CALCOCO2: variants seen among roughly 807,000 people sequenced by gnomAD.
CALCOCO2 encodes calcium binding and coiled-coil domain 2, also known as calcium-binding and coiled-coil domain-containing protein 2.
Under a neutral mutation model 62.5 loss-of-function variants are expected in CALCOCO2, and 42 were observed. That is an observed-to-expected ratio of 0.67 (90% CI 0.53 to 0.87). CALCOCO2 has a LOEUF of 0.87. Among genes scored for constraint, CALCOCO2 ranks in the 40% least tolerant of loss-of-function variants. The pLI, the probability that CALCOCO2 is intolerant of heterozygous loss-of-function variation, is 0.00. For synonymous variants in CALCOCO2, 167 were observed against 173.0 expected, an observed-to-expected ratio of 0.97 and a Z score of 0.27; for missense variants, 456 against 515.0, an observed-to-expected ratio of 0.89 and a Z score of 1.11.
intron 10 of CALCOCO2, among the ~76,000 whole-genome samples, chr17:48,857,999 G>GAATAT (rs1393205818): frequency 1.0e-4 from 2 of 19,772 alleles, no homozygotes; most frequent in Non-Finnish European, 1.3e-4. Flanking sequence ...GAATAGAATA[G>GAATAT]AATAGAATAG....
intron 1 of CALCOCO2, among the ~76,000 whole-genome samples, chr17:48,835,438 C>A (rs1214635278): frequency 1.3e-5 from 2 of 152,156 alleles, no homozygotes; most frequent in Non-Finnish European, 2.9e-5. Flanking sequence ...TGATTGAGTT[C>A]TCAATACCTC....
At chr17:48,842,490 C>T (rs2039988677) in intron 2 of CALCOCO2, 1 of 151,824 alleles carries the variant, frequency 6.6e-6, no homozygotes, top group Non-Finnish European at 1.5e-5. Flanking sequence ...TAAATACTTG[C>T]TTCTTGTTGT....
At chr17:48,837,322 C>T (rs1329006842) in intron 1 of CALCOCO2, among the ~76,000 whole-genome samples, 1 of 152,150 alleles carries the variant, frequency 6.6e-6, no homozygotes, top group Non-Finnish European at 1.5e-5. Flanking sequence ...TTGACCTAGA[C>T]TGGAATGTGA....
intron 6 of CALCOCO2, 38 bp downstream of exon 6, chr17:48,851,215 C>A: frequency 1.7e-6 from 2 of 1,166,530 alleles, no homozygotes; most frequent in Non-Finnish European, 1.3e-6. Flanking sequence ...GGAAGAGCTG[C>A]TGTACCATCA....
At chr17:48,856,648 CATTCATTCA>C (rs2040219218) in intron 10 of CALCOCO2, 2 of 449,688 alleles carry the variant, frequency 4.4e-6, no homozygotes, top group Admixed American at 2.4e-5. Flanking sequence ...TGCATTCATT[CATTCATTCA>C]TTCATTCATT....
At chr17:48,859,478 T>C (rs577094290) in intron 10 of CALCOCO2, among the ~76,000 whole-genome samples, 1 of 152,178 alleles carries the variant, frequency 6.6e-6, no homozygotes, top group East Asian at 1.9e-4. Flanking sequence ...GTCGTGTGCC[T>C]GTAGTCCCAG....
chr17:48,857,497 C>CTTTTTTTTTTTT lies in CALCOCO2; in HGVS notation c.1008+1322_1008+1333dup, dbSNP rs59318856. Among the ~76,000 whole-genome samples the CTTTTTTTTTTTT allele has an allele frequency of 4.7e-3, 179 of 38,438 alleles. 37 individuals are homozygous for CTTTTTTTTTTTT. Among genetic ancestry groups the CTTTTTTTTTTTT allele is most frequent in the African/African-American group, 9.5e-3 (115 of 12,076 alleles). The allele number at this position is 38,438 out of a possible 152,430, so 25.2% of individuals were successfully genotyped here. A position where few individuals can be genotyped will look rare whatever the true frequency, so the allele number is the denominator to read the frequency against. ...CAGGCGTGAGCCACTGCACCCGGCCCTTTTTTTTTTTTTTTTTTTTTTTGA... is the reference window on the plus strand; with the variant it reads ...CAGGCGTGAGCCACTGCACCCGGCCCTTTTTTTTTTTTTTTTTTTTTTTTTTTTTTTTTTTGA... On this transcript the variant is annotated intron_variant, in intron 10 of 12. Coordinates refer to ENST00000258947, the MANE Select transcript of CALCOCO2 (RefSeq NM_005831.5).
intron 10 of CALCOCO2, among the ~76,000 whole-genome samples, chr17:48,859,123 C>CT (rs2040289360): frequency 8.2e-6 from 1 of 122,606 alleles, no homozygotes; most frequent in South Asian, 2.8e-4. Flanking sequence ...TGCTTATTTT[C>CT]TTTTTCCTAA....
At chr17:48,846,053 T>C in intron 2 of CALCOCO2, 1 of 1,487,124 alleles carries the variant, frequency 6.7e-7, no homozygotes, top group Admixed American at 2.0e-5. Flanking sequence ...AATCAGACTA[T>C]TCAACTCCTC....
chr17:48,839,168 C>T (rs544525457), intron 1 of CALCOCO2, among the ~76,000 whole-genome samples: 2 of 151,476 alleles, frequency 1.3e-5, no homozygotes, highest in Admixed American at 6.6e-5. Context: ...CCACCACGCC[C>T]GGCTAATTTT....
At chr17:48,842,716 C>T (rs1184245932) in intron 2 of CALCOCO2, 1 of 152,008 alleles carries the variant, frequency 6.6e-6, no homozygotes, top group Non-Finnish European at 1.5e-5. Context: ...TCTCGGCTCA[C>T]TGCAACCCCC....
chr17:48,848,054 G>A lies in CALCOCO2; in HGVS notation c.181-10G>A. On this transcript the variant is annotated splice_polypyrimidine_tract_variant and intron_variant, in intron 2 of 12. Transcript: ENST00000258947. Reference sequence around the variant, plus strand: ...TTCAGGTACTAAATAAGAACTTCTTGTCATTGCAGGTGGGGTGGAAGACAA... The same window carrying A: ...TTCAGGTACTAAATAAGAACTTCTTATCATTGCAGGTGGGGTGGAAGACAA... 6.5e-7 allele frequency: 1 copy of A among 1,541,222 alleles called. No individual in the cohort carries two copies. Among genetic ancestry groups the A allele is most frequent in the Non-Finnish European group, 9.0e-7 (1 of 1,114,918 alleles).
intron 12 of CALCOCO2, 86 bp from the exon 13 acceptor site, chr17:48,862,752 A>G: frequency 9.5e-7 from 1 of 1,054,932 alleles, no homozygotes; most frequent in South Asian, 1.3e-5. Flanking sequence ...TATGCTAGGC[A>G]CTGAGGATAC....
chr17:48,835,607 A>G (rs2039878967), intron 1 of CALCOCO2, among the ~76,000 whole-genome samples: 1 of 152,184 alleles, frequency 6.6e-6, no homozygotes, highest in South Asian at 2.1e-4. Flanking sequence ...GAAAATAGCT[A>G]GAATTTCCTT....
intron 2 of CALCOCO2, 155 bp downstream of exon 2, chr17:48,842,042 A>T (rs1021001976): frequency 1.3e-5 from 6 of 478,224 alleles, no homozygotes; most frequent in Admixed American, 8.1e-5. Context: ...CTCTTCACAC[A>T]TTAATGTGTG....
At chr17:48,856,305 A>T (rs979105175) in intron 10 of CALCOCO2, 118 bp downstream of exon 10, 2 of 593,976 alleles carry the variant, frequency 3.4e-6, no homozygotes, top group African/African-American at 3.7e-5. Flanking sequence ...AGTGGGTGAA[A>T]CAGTTGTTCC....
chr17:48,839,665 C>CTTTG (rs895352623), intron 1 of CALCOCO2, among the ~76,000 whole-genome samples: 1 of 98,732 alleles, frequency 1.0e-5, no homozygotes, highest in Non-Finnish European at 2.1e-5. Context: ...CTTTGCTTTG[C>CTTTG]TTTGCTTTTT....
chr17:48,859,957 G>A (rs1167260006), intron 10 of CALCOCO2, among the ~76,000 whole-genome samples: 1 of 152,136 alleles, frequency 6.6e-6, no homozygotes, highest in Non-Finnish European at 1.5e-5. Flanking sequence ...AGCTAGGCGT[G>A]GTAGTGGGTG....
chr17:48,857,995 A>G (rs188469775), intron 10 of CALCOCO2, among the ~76,000 whole-genome samples: 175 of 22,068 alleles, frequency 7.9e-3, no homozygotes, highest in Non-Finnish European at 0.014. Flanking sequence ...AATAGAATAG[A>G]ATAGAATAGA....
Sources: allele counts gnomAD v4.1 joint callset (sites outside exome capture counted in the v4.1 genomes callset), GRCh38; gene constraint gnomAD v4.1.1; transcripts MANE v1.5; gene names NCBI Gene and HGNC (gene_info 2026-07-23, HGNC 2026-07-21).